The following ZNF292 variants were observed in gnomAD, a reference collection of about 807,000 sequenced individuals.
ZNF292 encodes the protein zinc finger protein 292, also known as 16 zinc-finger domain protein.
Under a neutral mutation model 217.9 loss-of-function variants are expected in ZNF292, and 26 were observed. The observed-to-expected ratio is 0.12, with a 90% CI of 0.09 to 0.17. The LOEUF (loss-of-function observed/expected upper bound fraction) is 0.17. Ranked by LOEUF, ZNF292 falls within the 10% of genes least tolerant of loss-of-function variation. The probability of loss-of-function intolerance (pLI) is 1.00; values close to 1 mark genes in which losing one functional copy is unlikely to be tolerated. For synonymous variants in ZNF292, 1,257 were observed against 1,124.1 expected (o/e 1.12, Z -2.37); for missense variants, 2,904 against 3,175.2 (o/e 0.91, Z 2.05).
At chr6:87,162,220 C>G (rs959018301) in intron 1 of ZNF292, among the ~76,000 whole-genome samples, 1 of 152,116 alleles carries the variant, frequency 6.6e-6, no homozygotes, top group Non-Finnish European at 1.5e-5. Flanking sequence ...TTATTGGTGC[C>G]TGATTGGTAT....
chr6:87,238,301 A>T (rs1234447839), intron 5 of ZNF292, among the ~76,000 whole-genome samples: 3 of 152,136 alleles, frequency 2.0e-5, no homozygotes, highest in African/African-American at 7.2e-5. Flanking sequence ...AGCCTGGGCA[A>T]CATGGTGAAA....
At chr6:87,159,495 CTTTTTTT>C (rs772140637) in intron 1 of ZNF292, among the ~76,000 whole-genome samples, 1 of 124,502 alleles carries the variant, frequency 8.0e-6, no homozygotes, top group Non-Finnish European at 1.7e-5. Context: ...TCTTTTCTTT[CTTTTTTT>C]TTTTTTTTTT....
rs1775257837 is a variant in ZNF292, at chr6:87,256,983, C to T, written c.3354C>T (p.His1118=). ...ATTCTTCACAGAGTATTGGGAAACA[C>T]ATGAAGACAGCACACCCTGACCAAT... is the stretch of plus-strand genomic sequence containing the variant. ...TYNSSQSIGK[H]MKTAHPDQYA... The change falls in exon 8 of 8, where the codon CAC becomes CAT. Residue 1118 remains histidine (H), a synonymous_variant. Transcript: ENST00000369577. 6.2e-7 allele frequency: 1 copy of T among 1,613,720 alleles called. No homozygotes were observed. The highest frequency in any genetic ancestry group is 8.5e-7 in the Non-Finnish European group (1 of 1,179,796).
chr6:87,201,499 G>T (rs545055448), intron 1 of ZNF292, among the ~76,000 whole-genome samples: 1 of 152,284 alleles, frequency 6.6e-6, no homozygotes, highest in Non-Finnish European at 1.5e-5. Context: ...CCGCCTCCCG[G>T]GTTCAAGCGA....
chr6:87,259,817 C>T lies in ZNF292; in HGVS notation c.6188C>T (p.Thr2063Ile), dbSNP rs1229327965. The T allele has an allele frequency of 1.2e-6, 2 of 1,611,468 alleles. No individual in the cohort carries two copies. Among genetic ancestry groups the T allele is most frequent in the East Asian group, 2.2e-5 (1 of 44,802 alleles). ...TESSLQVITV[T>I]SEQCNTNALT... Reference sequence around the variant, plus strand: ...AGTTCTTTACAAGTGATTACAGTTACTTCAGAACAATGTAATACAAATGCA... The same window carrying T: ...AGTTCTTTACAAGTGATTACAGTTATTTCAGAACAATGTAATACAAATGCA... The change falls in exon 8 of 8, where the codon ACT becomes ATT. Residue 2063 changes from threonine (T) to isoleucine (I), a missense_variant. Thr to Ile is a moderately conservative substitution (Grantham distance 89). Transcript: ENST00000369577.
chr6:87,227,269 GT>G (rs1036723542), intron 4 of ZNF292, among the ~76,000 whole-genome samples: 2 of 152,118 alleles, frequency 1.3e-5, no homozygotes, highest in African/African-American at 2.4e-5. Flanking sequence ...ACCTGGAGAG[GT>G]TTTAGATAGA....
chr6:87,172,790 C>T (rs1386018949), intron 1 of ZNF292, among the ~76,000 whole-genome samples: 1 of 151,550 alleles, frequency 6.6e-6, no homozygotes, highest in African/African-American at 2.4e-5. Flanking sequence ...ACCTGTAGTC[C>T]CAGCTACTCA....
chr6:87,161,932 A>T (rs1314474276), intron 1 of ZNF292, among the ~76,000 whole-genome samples: 2 of 152,142 alleles, frequency 1.3e-5, no homozygotes, highest in African/African-American at 4.8e-5. Flanking sequence ...ACTACACTGT[A>T]TCTTGCTTTC....
Position 87,258,256 on chromosome 6 carries a change from C to T in ZNF292, c.4627C>T (p.Pro1543Ser). 1 of 1,613,074 alleles carries T rather than the reference C, an allele frequency of 6.2e-7. No individual in the cohort carries two copies. The highest frequency in any genetic ancestry group is 8.5e-7 in the Non-Finnish European group (1 of 1,179,606). Reference sequence around the variant, plus strand: ...ACCCCTGTTGCACACTGTATGCCATCCAAACACCTTGCTGACCAACCAGAA... The same window carrying T: ...ACCCCTGTTGCACACTGTATGCCATTCAAACACCTTGCTGACCAACCAGAA... ...VPPLLHTVCH[P>S]NTLLTNQNRT... Residue 1543 changes from proline to serine, a missense_variant, in exon 8 of 8, where the codon CCA (proline) becomes TCA (serine). Transcript: ENST00000369577.
At chr6:87,236,404 T>A (rs970459796) in intron 5 of ZNF292, among the ~76,000 whole-genome samples, 3 of 140,334 alleles carry the variant, frequency 2.1e-5, no homozygotes, top group African/African-American at 2.6e-5. Flanking sequence ...TTTTTTTTTT[T>A]TAAAAAAGAA....
chr6:87,184,032 TATACACACAGTGC>T (rs1354205470), intron 1 of ZNF292, among the ~76,000 whole-genome samples: 28 of 152,246 alleles, frequency 1.8e-4, no homozygotes, highest in African/African-American at 5.8e-4. Flanking sequence ...TGTTTTCACA[TATACACACAGTGC>T]TTACACACAA....
In ZNF292 at chr6:87,247,079, C is replaced by G. The variant is rs182304598; in HGVS notation, c.1020+1435C>G. Among the ~76,000 whole-genome samples, 388 of 151,588 alleles carry G rather than the reference C, an allele frequency of 2.6e-3. 2 individuals carry two copies. Among genetic ancestry groups the G allele is most frequent in the African/African-American group, 9.0e-3 (372 of 41,220 alleles). On this transcript the variant is annotated intron_variant, in intron 7 of 7. Coordinates refer to ENST00000369577, the MANE Select transcript of ZNF292 (RefSeq NM_015021.3). ...CTGAGACACAGGAATCGCTTGAGCCCAGGAGGTGGAGGTTACAGTGAGCTG... is the reference window on the plus strand; with the variant it reads ...CTGAGACACAGGAATCGCTTGAGCCGAGGAGGTGGAGGTTACAGTGAGCTG...
chr6:87,255,690 T>C lies in ZNF292; in HGVS notation c.2061T>C (p.Phe687=), dbSNP rs1346570078. ...ATGAATTTAATTGCCCTGTAACTTT[T>C]TGTAAAAAGGGCTTTAAGTACTTTA... ...PVNEFNCPVT[F]CKKGFKYFKN... Residue 687 remains phenylalanine (F), a synonymous_variant, in exon 8 of 8, where the codon TTT becomes TTC. Coordinates refer to ENST00000369577, the MANE Select transcript of ZNF292 (RefSeq NM_015021.3). 1.9e-6 allele frequency: 3 copies of C among 1,613,278 alleles called. No homozygotes were observed. Among genetic ancestry groups the C allele is most frequent in the Non-Finnish European group, 2.5e-6 (3 of 1,179,660 alleles).
intron 5 of ZNF292, among the ~76,000 whole-genome samples, chr6:87,240,218 G>A (rs985885757): frequency 2.6e-5 from 4 of 152,154 alleles, no homozygotes; most frequent in East Asian, 1.9e-4. Context: ...CAGGCGTGGC[G>A]GCATGCGCCT....
chr6:87,218,875 G>C (rs1453088701), intron 4 of ZNF292, 144 bp downstream of exon 4: 1 of 795,804 alleles, frequency 1.3e-6, no homozygotes, highest in Non-Finnish European at 1.8e-6. Flanking sequence ...TTGAGGCCCT[G>C]CGCCTTTATT....
chr6:87,173,849 C>T (rs751152112), intron 1 of ZNF292: 77 of 161,612 alleles, frequency 4.8e-4, no homozygotes, highest in South Asian at 1.4e-3. Flanking sequence ...CACAGCCTGC[C>T]ACTGCTCAGC....
At chr6:87,253,242 T>TTTTG (rs1197544803) in intron 7 of ZNF292, among the ~76,000 whole-genome samples, 13 of 134,734 alleles carry the variant, frequency 9.6e-5, no homozygotes, top group African/African-American at 3.7e-4. Flanking sequence ...TTTTTTTTTT[T>TTTTG]GAGACAGGGT....
At chr6:87,186,821 C>T (rs567095615) in intron 1 of ZNF292, among the ~76,000 whole-genome samples, 1 of 152,344 alleles carries the variant, frequency 6.6e-6, no homozygotes, top group Admixed American at 6.5e-5. Context: ...AGGCAAGCCT[C>T]TCAGTTGCTG....
Position 87,257,142 on chromosome 6 carries a change from G to A in ZNF292, c.3513G>A (p.Gln1171=). 6.2e-7 allele frequency: 1 copy of A among 1,613,874 alleles called. No homozygotes were observed. The highest frequency in any genetic ancestry group is 8.5e-7 in the Non-Finnish European group (1 of 1,179,860). Reference sequence around the variant, plus strand: ...GCTCAAATCCATTTTTTACATCACAGACCAAAGCCAATGGGAATCCTGCTT... The same window carrying A: ...GCTCAAATCCATTTTTTACATCACAAACCAAAGCCAATGGGAATCCTGCTT... ...VNSSNPFFTS[Q]TKANGNPACS... Residue 1171 remains glutamine (Q), a synonymous_variant, in exon 8 of 8, where the codon CAG becomes CAA. Transcript: ENST00000369577.
Sources: allele counts gnomAD v4.1 joint callset (sites outside exome capture counted in the v4.1 genomes callset), GRCh38; gene constraint gnomAD v4.1.1; transcripts MANE v1.5; gene names NCBI Gene and HGNC (gene_info 2026-07-23, HGNC 2026-07-21).